The following CSMD1 variants were observed in gnomAD, a reference collection of about 807,000 sequenced individuals.
CSMD1 encodes CUB and sushi domain-containing protein 1.
In CSMD1, 213 loss-of-function variants were observed where a neutral mutation model predicts 417.5. That is an observed-to-expected ratio of 0.51 (90% CI 0.46 to 0.57). CSMD1 has a LOEUF of 0.57. Ranked by LOEUF, CSMD1 falls within the 20% of genes least tolerant of loss-of-function variation. The probability of loss-of-function intolerance (pLI) is 0.00; values close to 1 mark genes in which losing one functional copy is unlikely to be tolerated. For synonymous variants in CSMD1, 2,862 were observed against 1,736.8 expected, an observed-to-expected ratio of 1.65 and a Z score of -16.11; for missense variants, 6,923 against 4,529.7, an observed-to-expected ratio of 1.53 and a Z score of -15.17.
intron 7 of CSMD1, among the ~76,000 whole-genome samples, chr8:3,699,649 CTG>C (rs2129036366): frequency 6.6e-6 from 1 of 152,282 alleles, no homozygotes; most frequent in African/African-American, 2.4e-5. Flanking sequence ...TGACAGCACT[CTG>C]TGTGACAAAT....
chr8:3,053,893 C>T (rs1812039105), intron 49 of CSMD1, among the ~76,000 whole-genome samples: 1 of 152,178 alleles, frequency 6.6e-6, no homozygotes. Flanking sequence ...ATATTGTTCA[C>T]ACCATGGATT....
chr8:3,024,968 T>A (rs918327255), intron 51 of CSMD1, among the ~76,000 whole-genome samples: 14 of 151,882 alleles, frequency 9.2e-5, no homozygotes, highest in African/African-American at 3.1e-4. Context: ...CTGTGTATTG[T>A]GTGGTGTTAT....
chr8:3,998,049 G>C lies in CSMD1; in HGVS notation c.672C>G (p.Phe224Leu). 1 of 1,599,786 alleles carries C rather than the reference G, an allele frequency of 6.3e-7. No homozygotes were observed. The highest frequency in any genetic ancestry group is 8.5e-7 in the Non-Finnish European group (1 of 1,172,588). Reference sequence around the variant, plus strand: ...CCGCGTTGTTCTCGTACTCTGAAGGGAAGTGCGGGCTGGAGATGGAGCTGC... The same window carrying C: ...CCGCGTTGTTCTCGTACTCTGAAGGCAAGTGCGGGCTGGAGATGGAGCTGC... ...GTSSSISSPH[F>L]PSEYENNADC... The change falls in exon 5 of 70, where the codon TTC becomes TTG. Residue 224 changes from phenylalanine (F) to leucine (L), a missense_variant. Phe to Leu is a conservative substitution (Grantham distance 22, BLOSUM62 0). Coordinates refer to ENST00000635120, the MANE Select transcript of CSMD1 (RefSeq NM_033225.6).
At chr8:4,394,733 T>A (rs1013788140) in intron 3 of CSMD1, among the ~76,000 whole-genome samples, 3 of 152,202 alleles carry the variant, frequency 2.0e-5, no homozygotes, top group Admixed American at 1.3e-4. Flanking sequence ...AAGAGTGACA[T>A]TTTCTCTTTT....
At chr8:3,691,571 CT>C in intron 7 of CSMD1, among the ~76,000 whole-genome samples, 1 of 152,254 alleles carries the variant, frequency 6.6e-6, no homozygotes, top group South Asian at 2.1e-4. Context: ...TTACACATAA[CT>C]TTATAATCTT....
chr8:4,195,187 G>C (rs954919824), intron 3 of CSMD1, among the ~76,000 whole-genome samples: 1 of 152,142 alleles, frequency 6.6e-6, no homozygotes, highest in Non-Finnish European at 1.5e-5. Context: ...ACTTGTCAAT[G>C]GAAAATAAAC....
intron 3 of CSMD1, among the ~76,000 whole-genome samples, chr8:4,287,354 A>C (rs781511300): frequency 1.3e-5 from 2 of 152,216 alleles, no homozygotes; most frequent in Non-Finnish European, 2.9e-5. Flanking sequence ...CTTTTTAAGA[A>C]AGCACACAAT....
chr8:4,606,468 C>T lies in CSMD1; in HGVS notation c.302+30874G>A, dbSNP rs117307578. ...GTTCTTCCTGCTGTGATTACAACATCATCCGATGCCAAGCCCTTTACCACT... is the reference window on the plus strand; with the variant it reads ...GTTCTTCCTGCTGTGATTACAACATTATCCGATGCCAAGCCCTTTACCACT... On this transcript the variant is annotated intron_variant, in intron 2 of 69. Transcript: ENST00000635120. Among the ~76,000 whole-genome samples, 1,520 of 152,234 alleles carry T rather than the reference C, an allele frequency of 1.0e-2. 12 individuals are homozygous for T. The highest frequency in any genetic ancestry group is 0.014 in the Non-Finnish European group (956 of 68,010).
At chr8:4,310,949 G>A (rs938251811) in intron 3 of CSMD1, among the ~76,000 whole-genome samples, 1 of 152,184 alleles carries the variant, frequency 6.6e-6, no homozygotes, top group African/African-American at 2.4e-5. Flanking sequence ...AAACCTCAGT[G>A]AGATACTATC....
In CSMD1 at chr8:4,157,729, C is replaced by T. The variant is rs567401651; in HGVS notation, c.416-125630G>A. ...TCTGCACAGTTGTCCCTCTGGCCGTCCTTTTCCTAGGAGTCAGGGCCAGGG... is the reference window on the plus strand; with the variant it reads ...TCTGCACAGTTGTCCCTCTGGCCGTTCTTTTCCTAGGAGTCAGGGCCAGGG... On this transcript the variant is annotated intron_variant, in intron 3 of 69. Coordinates refer to ENST00000635120, the MANE Select transcript of CSMD1 (RefSeq NM_033225.6). Among the ~76,000 whole-genome samples, 36 of 152,340 alleles carry T rather than the reference C, an allele frequency of 2.4e-4. No homozygotes were observed. In the South Asian group the frequency reaches 7.5e-3, roughly 32 times the overall value.
rs775221194 is a variant in CSMD1 at position 2,973,238 on chromosome 8, A to G, written c.8802T>C (p.Asp2934=). 1 of 1,613,976 alleles carries G rather than the reference A, an allele frequency of 6.2e-7. No homozygotes were observed. The highest frequency in any genetic ancestry group is 8.5e-7 in the Non-Finnish European group (1 of 1,179,864). ...GTPAHGSRLG[D]DFKTKSLLRF... ...GGAGAAGACTCTTTGTCTTAAAGTC[A>G]TCACCAAGCCGAGACCCATGTGCTG... The change falls in exon 57 of 70, where the codon GAT becomes GAC. Residue 2934 remains aspartate (D), a synonymous_variant. Coordinates refer to ENST00000635120, the MANE Select transcript of CSMD1 (RefSeq NM_033225.6).
At chr8:3,922,955 T>G (rs552229343) in intron 5 of CSMD1, among the ~76,000 whole-genome samples, 8 of 152,324 alleles carry the variant, frequency 5.3e-5, no homozygotes, top group Non-Finnish European at 8.8e-5. Flanking sequence ...TGTGAGCCCC[T>G]TGAGGTGTTC....
At chr8:3,720,716 T>C (rs999594157) in intron 6 of CSMD1, among the ~76,000 whole-genome samples, 9 of 152,056 alleles carry the variant, frequency 5.9e-5, no homozygotes, top group East Asian at 1.9e-4. Context: ...TCCAGGCATG[T>C]ACTCTAAGCC....
At chr8:4,104,788 A>G (rs924414094) in intron 3 of CSMD1, among the ~76,000 whole-genome samples, 1 of 152,146 alleles carries the variant, frequency 6.6e-6, no homozygotes, top group Non-Finnish European at 1.5e-5. Flanking sequence ...ACTGCTGGCT[A>G]TTTGCTGACC....
At chr8:4,099,182 A>G (rs1801174736) in intron 3 of CSMD1, among the ~76,000 whole-genome samples, 4 of 148,034 alleles carry the variant, frequency 2.7e-5, no homozygotes. Context: ...CTGAACACAC[A>G]CACATACACA....
At position 4,107,015 on chromosome 8, in the gene CSMD1, A is replaced by G. The variant is rs56146618; in HGVS notation, c.416-74916T>C. Among the ~76,000 whole-genome samples the G allele has an allele frequency of 1.2e-3, 182 of 152,286 alleles. 1 individual carries two copies. Among genetic ancestry groups the G allele is most frequent in the African/African-American group, 4.2e-3 (173 of 41,552 alleles). On this transcript the variant is annotated intron_variant, in intron 3 of 69. Transcript: ENST00000635120. ...CTTAGACAACACTAACAGGAGAGAA[A>G]ATTGTATGAGAGCTGCCACATATCA...
intron 2 of CSMD1, among the ~76,000 whole-genome samples, chr8:4,582,869 C>T (rs868091085): frequency 6.6e-6 from 1 of 152,212 alleles, no homozygotes; most frequent in Non-Finnish European, 1.5e-5. Flanking sequence ...GAGGCACTTG[C>T]GGGCCAGCTG....
chr8:2,990,789 A>G (rs189311105), intron 54 of CSMD1, among the ~76,000 whole-genome samples: 1 of 152,328 alleles, frequency 6.6e-6, no homozygotes, highest in East Asian at 1.9e-4. Context: ...GTATTTGTTC[A>G]GAAGTATTCA....
intron 3 of CSMD1, among the ~76,000 whole-genome samples, chr8:4,358,813 A>T (rs1483314334): frequency 5.3e-5 from 8 of 152,186 alleles, no homozygotes; most frequent in African/African-American, 1.9e-4. Flanking sequence ...ACAAGTTATA[A>T]ATCACGTAAG....
Sources: allele counts gnomAD v4.1 joint callset (sites outside exome capture counted in the v4.1 genomes callset), GRCh38; gene constraint gnomAD v4.1.1; transcripts MANE v1.5; gene names NCBI Gene and HGNC (gene_info 2026-07-23, HGNC 2026-07-21).